Variants in SIRT7 observed in about 807,000 individuals in gnomAD.
SIRT7 encodes NAD-dependent protein deacetylase sirtuin-7.
SIRT7 carries 32 observed loss-of-function variants against 42.8 expected under a neutral mutation model. The observed-to-expected ratio is 0.75, with a 90% CI of 0.56 to 1.00. The LOEUF is 1.00. Among genes scored for constraint, SIRT7 ranks in the 50% least tolerant of loss-of-function variants. SIRT7 has a pLI of 0.00. For missense variants in SIRT7, 553 were observed against 572.2 expected (o/e 0.97, Z 0.34); for synonymous variants, 297 against 245.2 (o/e 1.21, Z -1.97).
rs962992453 is a variant in SIRT7, at chr17:81,913,411, A to C, written c.1004+363T>G. 3 of 448,030 alleles carry C rather than the reference A, an allele frequency of 6.7e-6. No individual in the cohort carries two copies. The Admixed American group carries it at 7.7e-5, about 11-fold the overall frequency. The allele number at this position is 448,030 out of a possible 1,614,324, so 27.8% of individuals were successfully genotyped here. A position where few individuals can be genotyped will look rare whatever the true frequency, so the allele number is the denominator to read the frequency against. Reference sequence around the variant, plus strand: ...GTTTAAGCTTTCCCAAAGTACGCCAACTCCCAAAACCAAGCACACAGATTC... The same window carrying C: ...GTTTAAGCTTTCCCAAAGTACGCCACCTCCCAAAACCAAGCACACAGATTC... On this transcript the variant is annotated intron_variant, in intron 9 of 9. Transcript: ENST00000328666. The surrounding 1 kb of genome is among the most constrained non-coding windows in gnomAD (Gnocchi z 5.0).
At chr17:81,914,849 G>C in intron 5 of SIRT7, 147 bp from the exon 6 acceptor site, 1 of 655,326 alleles carries the variant, frequency 1.5e-6, no homozygotes, top group Non-Finnish European at 2.7e-6. Context: ...GCCTTAGAAA[G>C]TAAAACACAC....
Position 81,918,140 on chromosome 17 carries a change from TG to T in SIRT7, c.-10del. ...AGACCCCCGGCTGCCATCGCTCCCC[TG>T]GAGACCTGCTCTTCCGCTTCCGCCT... On this transcript the variant is annotated 5_prime_UTR_variant, in exon 1 of 10. Coordinates refer to ENST00000328666, the MANE Select transcript of SIRT7 (RefSeq NM_016538.3). 6.5e-7 allele frequency: 1 copy of T among 1,526,748 alleles called. No individual in the cohort carries two copies. Among genetic ancestry groups the T allele is most frequent in the South Asian group, 1.2e-5 (1 of 84,050 alleles). 94.6% of individuals were successfully genotyped at this position (1,526,748 alleles called of 1,614,324 possible).
At chr17:81,914,964 C>T (rs1165957785) in intron 5 of SIRT7, 6 of 545,070 alleles carry the variant, frequency 1.1e-5, no homozygotes, top group South Asian at 4.0e-5. Context: ...GAGGTTGCAC[C>T]GTCCCGGCAA....
intron 5 of SIRT7, 148 bp from the exon 6 acceptor site, chr17:81,914,850 T>C: frequency 3.1e-6 from 2 of 653,188 alleles, no homozygotes; most frequent in Non-Finnish European, 5.4e-6. Context: ...CCTTAGAAAG[T>C]AAAACACACA....
chr17:81,915,531 G>A lies in SIRT7; in HGVS notation c.408-19C>T, dbSNP rs1190640251. On this transcript the variant is annotated intron_variant, in intron 4 of 9. Transcript: ENST00000328666. ...GGCAGCACTGCCAGGCAGAAAGGAA[G>A]GCAAGGTGAGGAGAGCTGGAGCTCA... 5.6e-6 allele frequency: 9 copies of A among 1,613,478 alleles called. No homozygotes were observed. Among genetic ancestry groups the A allele is most frequent in the Admixed American group, 1.7e-5 (1 of 59,968 alleles).
chr17:81,916,491 G>C (rs1330584714), intron 3 of SIRT7: 2 of 147,332 alleles, frequency 1.4e-5, no homozygotes, highest in African/African-American at 5.1e-5. Context: ...TTGAGAGACG[G>C]AGTTTAGCTC....
chr17:81,917,533 T>C, intron 3 of SIRT7, 82 bp downstream of exon 3: 3 of 1,239,142 alleles, frequency 2.4e-6, no homozygotes, highest in Non-Finnish European at 3.2e-6. Context: ...GAAAAAACCT[T>C]AGAGCTGCTT....
Position 81,918,105 on chromosome 17 carries a change from G to C in SIRT7, c.27C>G (p.Ser9=). 6.4e-7 allele frequency: 1 copy of C among 1,551,004 alleles called. No homozygotes were observed. Residue 9 remains serine, a synonymous_variant, in exon 1 of 10, where the codon TCC becomes TCG. Transcript: ENST00000328666. The part of the protein sequence containing the change: MAAGGLSR[S]ERKAAERVRR... ...GGACCCGCTCCGCCGCTTTGCGCTCGGAGCGGCTCAGACCCCCGGCTGCCA... is the reference window on the plus strand; with the variant it reads ...GGACCCGCTCCGCCGCTTTGCGCTCCGAGCGGCTCAGACCCCCGGCTGCCA...
At chr17:81,914,834 A>C (rs113087605) in intron 5 of SIRT7, 132 bp from the exon 6 acceptor site, 3 of 693,598 alleles carry the variant, frequency 4.3e-6, no homozygotes, top group Non-Finnish European at 7.6e-6. Context: ...CCGTCCCCCC[A>C]GAGAGCCTTA....
At chr17:81,917,303 C>CT in intron 3 of SIRT7, 1 of 272,132 alleles carries the variant, frequency 3.7e-6, no homozygotes, top group Non-Finnish European at 6.9e-6. Context: ...TACTGTGTCA[C>CT]TTTCTACTTA....
chr17:81,918,081 G>A lies in SIRT7; in HGVS notation c.51C>T (p.Val17=). 6.4e-7 allele frequency: 1 copy of A among 1,550,910 alleles called. No homozygotes were observed. Among genetic ancestry groups the A allele is most frequent in the Non-Finnish European group, 8.6e-7 (1 of 1,159,740 alleles). Reference sequence around the variant, plus strand: ...TCTGCTGCTCCTCCCGCAACCTCCGGACCCGCTCCGCCGCTTTGCGCTCGG... The same window carrying A: ...TCTGCTGCTCCTCCCGCAACCTCCGAACCCGCTCCGCCGCTTTGCGCTCGG... ...SRSERKAAER[V]RRLREEQQRE... is the part of the protein sequence containing the mutation. Residue 17 remains valine, a synonymous_variant, in exon 1 of 10, where the codon GTC becomes GTT. Transcript: ENST00000328666.
rs767541293 is a variant in SIRT7 at position 81,913,929 on chromosome 17, C to T, written c.898-49G>A. On this transcript the variant is annotated intron_variant, in intron 8 of 9. Coordinates refer to ENST00000328666, the MANE Select transcript of SIRT7 (RefSeq NM_016538.3). This position sits in a 1 kb window ranked among gnomAD's most constrained non-coding sequence, Gnocchi z 5.0. ...AGAGTAACAGCAGCCCAACCCTTCC[C>T]GGTGGCCTGTCAGCCTTGGCCCCTA... 17 of 1,544,116 alleles carry T rather than the reference C, an allele frequency of 1.1e-5. No individual in the cohort carries two copies. The highest frequency in any genetic ancestry group is 2.4e-5 in the South Asian group (2 of 84,924).
chr17:81,916,503 T>TC (rs1410431564), intron 3 of SIRT7: 2 of 150,900 alleles, frequency 1.3e-5, no homozygotes, highest in Admixed American at 1.3e-4. Flanking sequence ...GTTTAGCTCT[T>TC]TCGCCCAGGC....
intron 8 of SIRT7, 23 bp downstream of exon 8, chr17:81,914,064 G>A (rs376317318): frequency 1.1e-5 from 17 of 1,612,632 alleles, no homozygotes; most frequent in South Asian, 6.6e-5. Flanking sequence ...ATCTAAGGAC[G>A]TGGCTCTCAG....
chr17:81,917,375 CAT>C, intron 3 of SIRT7: 1 of 413,564 alleles, frequency 2.4e-6, no homozygotes, highest in Non-Finnish European at 4.3e-6. Context: ...GCTCTGTCCA[CAT>C]AACCTGGGGG....
chr17:81,915,923 G>A (rs1436581303), intron 3 of SIRT7: 4 of 524,858 alleles, frequency 7.6e-6, no homozygotes, highest in East Asian at 3.5e-5. Flanking sequence ...CAGGCTGCAC[G>A]CAGCCCTGCC....
chr17:81,915,624 C>A lies in SIRT7; in HGVS notation c.394G>T (p.Gly132Trp), dbSNP rs747980774. 1.2e-6 allele frequency: 2 copies of A among 1,613,812 alleles called. No individual in the cohort carries two copies. The highest frequency in any genetic ancestry group is 2.7e-5 in the African/African-American group (2 of 74,924). Residue 132 changes from glycine to tryptophan, a missense_variant, in exon 4 of 10, where the codon GGG (glycine) becomes TGG (tryptophan). By Grantham distance (184) the Gly-to-Trp change is radical. Transcript: ENST00000328666. ...PNGVWTLLQK[G>W]RSVSAADLSE... ...TGGCCCGCTTACCTAACGCTTCTCC[C>A]TTTCTGAAGCAGTGTCCACACTCCA...
chr17:81,914,688 C>T lies in SIRT7; in HGVS notation c.495G>A (p.Val165=), dbSNP rs199798038. ...LHEQKLVQHV[V]SQNCDGLHLR... ...GGTGGAGCCCGTCACAGTTCTGAGA[C>T]ACCACATGCTGCACCTGGAAGGCAG... Residue 165 remains valine, a synonymous_variant, in exon 6 of 10, where the codon GTG becomes GTA. Coordinates refer to ENST00000328666, the MANE Select transcript of SIRT7 (RefSeq NM_016538.3). The T allele has an allele frequency of 2.7e-5, 43 of 1,612,714 alleles. No individual in the cohort carries two copies. The East Asian group carries it at 8.0e-4, about 30-fold the overall frequency.
At position 81,912,458 on chromosome 17, in the gene SIRT7, G is replaced by A. The variant is rs142687743; in HGVS notation, c.1161C>T (p.Gly387=). The A allele has an allele frequency of 1.9e-6, 3 of 1,614,054 alleles. No individual in the cohort carries two copies. The highest frequency in any genetic ancestry group is 1.7e-5 in the Admixed American group (1 of 60,022). ...SSAPILGGWF[G]RGCTKRTKRK... ...TTTTTGTGCGTTTTGTGCAGCCCCT[G>A]CCAAACCAGCCCCCTAGGATGGGGG... is the stretch of plus-strand genomic sequence containing the variant. The change falls in exon 10 of 10, where the codon GGC becomes GGT. Residue 387 remains glycine, a synonymous_variant. Transcript: ENST00000328666.
Sources: gnomAD v4.1 joint callset for allele counts on GRCh38, gnomAD v4.1.1 for gene constraint, Gnocchi (gnomAD v3.1) non-coding constraint, MANE v1.5 for transcripts, NCBI Gene and HGNC (gene_info 2026-07-23, HGNC 2026-07-21) for gene names.